Variants in DCLK3 observed in about 807,000 individuals in gnomAD.
DCLK3 encodes serine/threonine-protein kinase DCLK3.
DCLK3 carries 30 observed loss-of-function variants against 46.4 expected under a neutral mutation model. The ratio of observed to expected loss-of-function variants is 0.65; its 90% CI spans 0.48 to 0.88. The LOEUF (loss-of-function observed/expected upper bound fraction) is 0.88, where lower values mean the gene tolerates loss of function less well. Ranked by LOEUF, DCLK3 falls within the 40% of genes least tolerant of loss-of-function variation. DCLK3 has a pLI of 0.00. For missense variants in DCLK3, 846 were observed against 907.1 expected (o/e 0.93, Z 0.87); for synonymous variants, 401 against 339.2 (o/e 1.18, Z -2.00).
chr3:36,713,745 G>C lies in DCLK3; in HGVS notation c.*1583C>G, dbSNP rs1700940402. ...GCAGGATTGGGCAAGGGAGAAAGTG[G>C]GCTATGATGCAGTCTCAACCAACAG... On this transcript the variant is annotated 3_prime_UTR_variant, in exon 5 of 5. Transcript: ENST00000636136. The C allele has an allele frequency of 6.6e-6, 1 of 152,418 alleles. No homozygotes were observed. Among genetic ancestry groups the C allele is most frequent in the African/African-American group, 2.4e-5 (1 of 41,436 alleles). The allele number at this position is 152,418 out of a possible 1,614,324, so 9.4% of individuals were successfully genotyped here. A position where few individuals can be genotyped will look rare whatever the true frequency, so the allele number is the denominator to read the frequency against.
At chr3:36,725,188 T>TATCTTCA (rs2125523914) in intron 2 of DCLK3, among the ~76,000 whole-genome samples, 1 of 152,088 alleles carries the variant, frequency 6.6e-6, no homozygotes, top group African/African-American at 2.4e-5. Context: ...GGCGGGCGCC[T>TATCTTCA]GTAGTCCCAG....
In DCLK3 at chr3:36,759,402, G is replaced by A. The variant is rs917726924; in HGVS notation, c.82+4780C>T. On this transcript the variant is annotated intron_variant, in intron 1 of 4. Coordinates refer to ENST00000636136, the MANE Select transcript of DCLK3 (RefSeq NM_001394672.2). The stretch of plus-strand genomic sequence containing the variant: ...ATCTCTTCCTGCACTGGTGACTACA[G>A]TGGCCACATTTTCCAGATGGCAAGG... 3.3e-5 allele frequency among the ~76,000 whole-genome samples: 5 copies of A among 152,212 alleles called. No homozygotes were observed. The South Asian group carries it at 1.0e-3, about 31-fold the overall frequency.
intron 1 of DCLK3, among the ~76,000 whole-genome samples, chr3:36,747,405 G>A (rs997337608): frequency 6.6e-6 from 1 of 151,364 alleles, no homozygotes; most frequent in Non-Finnish European, 1.5e-5. Flanking sequence ...TAAAACAAAG[G>A]GAAAAGGTTT....
At chr3:36,754,219 T>C (rs762440290) in intron 1 of DCLK3, among the ~76,000 whole-genome samples, 1 of 152,240 alleles carries the variant, frequency 6.6e-6, no homozygotes, top group Non-Finnish European at 1.5e-5. Flanking sequence ...ATGCTAATAC[T>C]AGGAGCTTCC....
intron 1 of DCLK3, among the ~76,000 whole-genome samples, chr3:36,753,586 T>C (rs373991895): frequency 2.7e-4 from 41 of 152,256 alleles, no homozygotes; most frequent in African/African-American, 2.6e-4. Flanking sequence ...GACAAAGCAA[T>C]TGGAAAAAAG....
At chr3:36,751,270 T>C (rs1051790345) in intron 1 of DCLK3, among the ~76,000 whole-genome samples, 2 of 152,138 alleles carry the variant, frequency 1.3e-5, no homozygotes, top group Non-Finnish European at 2.9e-5. Flanking sequence ...CCCACAAAGC[T>C]TCAGCAGTGG....
intron 4 of DCLK3, among the ~76,000 whole-genome samples, chr3:36,717,463 G>A (rs1700998400): frequency 6.6e-6 from 1 of 152,148 alleles, no homozygotes; most frequent in Non-Finnish European, 1.5e-5. Context: ...AGTTTTACAA[G>A]GACAGTGAGT....
At chr3:36,756,254 G>A (rs982092651) in intron 1 of DCLK3, among the ~76,000 whole-genome samples, 48 of 152,174 alleles carry the variant, frequency 3.2e-4, no homozygotes, top group Admixed American at 6.5e-4. Context: ...CTTCCAGAGG[G>A]GCAAGGAAAC....
In DCLK3 at chr3:36,763,993, CACACACGTACACACACAT is replaced by C. The variant is rs886070936; in HGVS notation, c.82+171_82+188del. ...GTACACCCGCACGCGCGCGCGTTTA[CACACACGTACACACACAT>C]ACACACGTACACACACATACACACA... On this transcript the variant is annotated intron_variant, in intron 1 of 4. Transcript: ENST00000636136. Among the ~76,000 whole-genome samples the C allele has an allele frequency of 3.0e-4, 45 of 152,302 alleles. 1 individual carries two copies. In the South Asian group the frequency reaches 7.7e-3, roughly 26 times the overall value.
At chr3:36,726,135 T>C (rs1701122659) in intron 2 of DCLK3, among the ~76,000 whole-genome samples, 1 of 152,110 alleles carries the variant, frequency 6.6e-6, no homozygotes, top group South Asian at 2.1e-4. Flanking sequence ...AAACCCAGCA[T>C]ATCTTGCAGC....
In DCLK3 at chr3:36,738,433, T is replaced by C; in HGVS notation, c.734A>G (p.Gln245Arg). The C allele has an allele frequency of 1.4e-6, 2 of 1,479,110 alleles. No individual in the cohort carries two copies. The highest frequency in any genetic ancestry group is 1.5e-5 in the South Asian group (1 of 68,068). 91.6% of individuals were successfully genotyped at this position (1,479,110 alleles called of 1,614,324 possible). Residue 245 changes from glutamine to arginine, a missense_variant, in exon 2 of 5, where the codon CAG (glutamine) becomes CGG (arginine). This residue lies in a region of DCLK3 where 553 missense variants were observed against 543.0 expected (regional missense o/e 1.02). Coordinates refer to ENST00000636136, the MANE Select transcript of DCLK3 (RefSeq NM_001394672.2). The part of the protein sequence containing the change: ...VAGCKAAMRH[Q>R]GKIPEELSLD... ...TGAAAGCTCCTCGGGGATCTTCCCC[T>C]GGTGCCTCATGGCTGCCTTGCATCC...
intron 4 of DCLK3, among the ~76,000 whole-genome samples, chr3:36,717,531 A>G (rs1700999037): frequency 6.6e-6 from 1 of 152,256 alleles, no homozygotes; most frequent in Non-Finnish European, 1.5e-5. Flanking sequence ...CAAATGGAAC[A>G]GAGGGCCAAA....
chr3:36,757,498 A>G (rs2063162), intron 1 of DCLK3, among the ~76,000 whole-genome samples: 112,815 of 152,078 alleles, frequency 0.74, 42,713 homozygotes, highest in South Asian at 0.86. Context: ...AAAAAAAAGT[A>G]TGTGCTTAAT....
At chr3:36,720,259 T>C (rs907441425) in intron 3 of DCLK3, among the ~76,000 whole-genome samples, 1 of 152,128 alleles carries the variant, frequency 6.6e-6, no homozygotes. Context: ...CCTTCCACCA[T>C]GAGTGTAAGC....
chr3:36,738,349 G>T lies in DCLK3; in HGVS notation c.818C>A (p.Pro273His). The T allele has an allele frequency of 6.7e-7, 1 of 1,503,088 alleles. No individual in the cohort carries two copies. 93.1% of individuals were successfully genotyped at this position (1,503,088 alleles called of 1,614,324 possible). The change falls in exon 2 of 5, where the codon CCC becomes CAC. Residue 273 changes from proline to histidine, a missense_variant. Around this residue, in one of 3 missense-constraint regions of DCLK3, gnomAD observed 553 missense variants for 543.0 expected, o/e 1.02. Coordinates refer to ENST00000636136, the MANE Select transcript of DCLK3 (RefSeq NM_001394672.2). ...GGCTTCCCTGGGGGGCTTGCTACTG[G>T]GTTCTGGCTCCCATTTCCCCCTCCC... The part of the protein sequence containing the change: ...KWGRGKWEPE[P>H]SSKPPREATL...
intron 2 of DCLK3, among the ~76,000 whole-genome samples, chr3:36,729,044 C>T (rs571699017): frequency 2.4e-4 from 36 of 152,240 alleles, no homozygotes; most frequent in South Asian, 8.3e-4. Context: ...CTGGATGGCC[C>T]CCATGATGCC....
At chr3:36,735,078 T>G (rs911372999) in intron 2 of DCLK3, among the ~76,000 whole-genome samples, 1 of 152,210 alleles carries the variant, frequency 6.6e-6, no homozygotes, top group Non-Finnish European at 1.5e-5. Context: ...CTTGTATAAC[T>G]GTTTTAATGC....
chr3:36,727,461 C>G (rs761789350), intron 2 of DCLK3, among the ~76,000 whole-genome samples: 3 of 152,174 alleles, frequency 2.0e-5, no homozygotes, highest in Non-Finnish European at 4.4e-5. Flanking sequence ...GAAACTCACA[C>G]TTTACTTTGA....
At chr3:36,747,289 A>G (rs1441749477) in intron 1 of DCLK3, among the ~76,000 whole-genome samples, 6 of 152,180 alleles carry the variant, frequency 3.9e-5, no homozygotes, top group Admixed American at 2.6e-4. Context: ...TTTCTTTCAT[A>G]TGCATATAAG....
Sources: gnomAD v4.1 joint callset for allele counts (sites outside exome capture counted in the v4.1 genomes callset) on GRCh38, gnomAD v4.1.1 for gene constraint, gnomAD v4.1.1 regional missense constraint, MANE v1.5 for transcripts, NCBI Gene and HGNC (gene_info 2026-07-23, HGNC 2026-07-21) for gene names.